CNTNAP2: variants seen among roughly 807,000 people sequenced by gnomAD.
The protein encoded by CNTNAP2 is contactin associated protein 2.
Under a neutral mutation model 155.2 loss-of-function variants are expected in CNTNAP2, and 98 were observed. That is an observed-to-expected ratio of 0.63 (90% CI 0.54 to 0.75). CNTNAP2 has a LOEUF of 0.75. Among genes scored for constraint, CNTNAP2 ranks in the 30% least tolerant of loss-of-function variants. The pLI is 0.00. For missense variants in CNTNAP2, 1,727 were observed against 1,688.1 expected (o/e 1.02, Z -0.40); for synonymous variants, 651 against 631.2 (o/e 1.03, Z -0.47).
chr7:147,880,699 T>C (rs907066237), intron 13 of CNTNAP2, among the ~76,000 whole-genome samples: 5 of 152,060 alleles, frequency 3.3e-5, no homozygotes, highest in African/African-American at 9.7e-5. Flanking sequence ...GTGTAAAGAC[T>C]GTTCCAAGAC....
chr7:148,123,669 AAGGAAG>A (rs1804650810), intron 16 of CNTNAP2, among the ~76,000 whole-genome samples: 1 of 151,158 alleles, frequency 6.6e-6, no homozygotes, highest in Non-Finnish European at 1.5e-5. Context: ...GGAAGGAAGG[AAGGAAG>A]GAAGGAAGGA....
chr7:146,733,216 C>G (rs1801555834), intron 1 of CNTNAP2, among the ~76,000 whole-genome samples: 1 of 152,044 alleles, frequency 6.6e-6, no homozygotes, highest in South Asian at 2.1e-4. Context: ...GTCAAACATT[C>G]AGGAATCCAG....
At chr7:146,855,029 A>T (rs965159264) in intron 3 of CNTNAP2, among the ~76,000 whole-genome samples, 8 of 152,244 alleles carry the variant, frequency 5.3e-5, no homozygotes, top group African/African-American at 1.9e-4. Context: ...ATATAGAAAC[A>T]GGCAAAAACA....
At chr7:147,356,763 G>A (rs193153585) in intron 9 of CNTNAP2, among the ~76,000 whole-genome samples, 1 of 152,096 alleles carries the variant, frequency 6.6e-6, no homozygotes, top group East Asian at 1.9e-4. Flanking sequence ...TTTTCATGAG[G>A]GAAAATATAA....
chr7:146,864,822 C>A (rs1220454569), intron 3 of CNTNAP2, among the ~76,000 whole-genome samples: 1 of 65,820 alleles, frequency 1.5e-5, no homozygotes, highest in African/African-American at 1.2e-4. Context: ...CCAAACAAAG[C>A]AAAACAAAAC....
intron 1 of CNTNAP2, among the ~76,000 whole-genome samples, chr7:146,564,396 A>G (rs1798325570): frequency 6.6e-6 from 1 of 151,856 alleles, no homozygotes; most frequent in Non-Finnish European, 1.5e-5. Context: ...CGGTTGAGTT[A>G]CAGAGAGGGT....
chr7:148,215,389 C>T (rs957016177), intron 18 of CNTNAP2, among the ~76,000 whole-genome samples: 15 of 152,064 alleles, frequency 9.9e-5, no homozygotes, highest in East Asian at 3.8e-4. Flanking sequence ...CTTGTAGAAC[C>T]GTTTTTTTGT....
chr7:146,156,332 C>A (rs1798125406), intron 1 of CNTNAP2, among the ~76,000 whole-genome samples: 2 of 152,086 alleles, frequency 1.3e-5, no homozygotes, highest in South Asian at 4.1e-4. Flanking sequence ...TGTATAAGAG[C>A]ACATTGATAC....
At chr7:146,371,023 T>G (rs1432944222) in intron 1 of CNTNAP2, among the ~76,000 whole-genome samples, 1 of 152,104 alleles carries the variant, frequency 6.6e-6, no homozygotes, top group Non-Finnish European at 1.5e-5. Flanking sequence ...AAATTTTAAT[T>G]TTATATTAAG....
intron 13 of CNTNAP2, among the ~76,000 whole-genome samples, chr7:147,751,963 G>A (rs902887995): frequency 6.6e-6 from 1 of 151,162 alleles, no homozygotes; most frequent in Non-Finnish European, 1.5e-5. Flanking sequence ...ACGGTTGGAA[G>A]CAATCGAGCT....
intron 2 of CNTNAP2, among the ~76,000 whole-genome samples, chr7:146,775,149 G>T (rs956070532): frequency 2.6e-5 from 4 of 152,150 alleles, no homozygotes; most frequent in African/African-American, 9.7e-5. Context: ...GTGGTTGACA[G>T]GGGCTTCGGT....
intron 12 of CNTNAP2, among the ~76,000 whole-genome samples, chr7:147,633,080 C>A (rs1000748695): frequency 1.3e-5 from 2 of 152,216 alleles, no homozygotes; most frequent in Non-Finnish European, 2.9e-5. Context: ...CCATCACAGG[C>A]CCAGAGGCCT....
chr7:146,375,685 C>A (rs771328350), intron 1 of CNTNAP2, among the ~76,000 whole-genome samples: 14 of 152,082 alleles, frequency 9.2e-5, no homozygotes, highest in Non-Finnish European at 1.8e-4. Flanking sequence ...AAAAAGGCAA[C>A]CAAACAATGA....
At chr7:148,188,613 C>G (rs1795158498) in intron 18 of CNTNAP2, among the ~76,000 whole-genome samples, 1 of 152,184 alleles carries the variant, frequency 6.6e-6, no homozygotes, top group Non-Finnish European at 1.5e-5. Context: ...TACTAAGATC[C>G]AGAATCCAAG....
chr7:147,207,376 A>C (rs550377543), intron 8 of CNTNAP2, among the ~76,000 whole-genome samples: 3 of 152,284 alleles, frequency 2.0e-5, no homozygotes, highest in Admixed American at 6.5e-5. Flanking sequence ...CCTATTCTGC[A>C]ATACATGATA....
intron 1 of CNTNAP2, among the ~76,000 whole-genome samples, chr7:146,607,697 C>G (rs909769627): frequency 6.6e-6 from 1 of 151,974 alleles, no homozygotes; most frequent in Non-Finnish European, 1.5e-5. Context: ...AGGCTGGTCT[C>G]GAATGCCTGG....
chr7:146,178,774 A>G (rs964592051), intron 1 of CNTNAP2, among the ~76,000 whole-genome samples: 8 of 152,192 alleles, frequency 5.3e-5, no homozygotes, highest in African/African-American at 1.9e-4. Context: ...AGAGAAACAA[A>G]CAGGCAAAAT....
chr7:147,097,387 C>T (rs533264328), intron 4 of CNTNAP2: 69 of 152,304 alleles, frequency 4.5e-4, no homozygotes, highest in African/African-American at 1.6e-3. Flanking sequence ...AAAGATGTAC[C>T]CAACACTGGG....
intron 1 of CNTNAP2, among the ~76,000 whole-genome samples, chr7:146,487,172 A>G (rs1355114777): frequency 6.6e-6 from 1 of 152,234 alleles, no homozygotes; most frequent in African/African-American, 2.4e-5. Flanking sequence ...ATATTAAAAG[A>G]TAACAAAAAC....
Sources: gnomAD v4.1 joint callset for allele counts (sites outside exome capture counted in the v4.1 genomes callset) on GRCh38, gnomAD v4.1.1 for gene constraint, MANE v1.5 for transcripts, NCBI Gene and HGNC (gene_info 2026-07-23, HGNC 2026-07-21) for gene names.